STXBP3: variants seen among roughly 807,000 people sequenced by gnomAD.
STXBP3 encodes the protein syntaxin-binding protein 3.
STXBP3 carries 41 observed loss-of-function variants against 85.7 expected under a neutral mutation model. The observed-to-expected ratio is 0.48, with a 90% CI of 0.37 to 0.62. The LOEUF (loss-of-function observed/expected upper bound fraction) is 0.62. Among genes scored for constraint, STXBP3 ranks in the 20% least tolerant of loss-of-function variants. The pLI, the probability that STXBP3 is intolerant of heterozygous loss-of-function variation, is 0.00. For synonymous variants in STXBP3, 229 were observed against 231.7 expected (o/e 0.99, Z 0.10); for missense variants, 563 against 703.1 (o/e 0.80, Z 2.25).
At chr1:108,759,466 A>T (rs1281747607) in intron 5 of STXBP3, among the ~76,000 whole-genome samples, 1 of 152,166 alleles carries the variant, frequency 6.6e-6, no homozygotes, top group Non-Finnish European at 1.5e-5. Context: ...ATCTAGTGGA[A>T]TGATAAACTC....
rs1662672682 is a variant in STXBP3 at position 108,779,634 on chromosome 1, C to T, written c.809+224C>T. 3 of 354,770 alleles carry T rather than the reference C, an allele frequency of 8.5e-6. No homozygotes were observed. The South Asian group carries it at 2.9e-4, about 34-fold the overall frequency. The allele number at this position is 354,770 out of a possible 1,614,324, so 22.0% of individuals were successfully genotyped here. ...CTTTGGAGCATTTTTGGTGTGTTTGCTTCCTTAACTGTGTGTACAGTAGAG... is the reference window on the plus strand; with the variant it reads ...CTTTGGAGCATTTTTGGTGTGTTTGTTTCCTTAACTGTGTGTACAGTAGAG... On this transcript the variant is annotated intron_variant, in intron 9 of 18. Transcript: ENST00000370008.
intron 17 of STXBP3, among the ~76,000 whole-genome samples, chr1:108,807,174 CTG>C (rs780818592): frequency 3.3e-5 from 5 of 150,074 alleles, no homozygotes; most frequent in Non-Finnish European, 7.4e-5. Context: ...ATTGCTTGAA[CTG>C]TGACCCAGGA....
chr1:108,765,591 T>TTTTTA (rs796642937), intron 6 of STXBP3, among the ~76,000 whole-genome samples: 13 of 122,688 alleles, frequency 1.1e-4, no homozygotes, highest in South Asian at 4.9e-4. Context: ...TTTTTTTTTT[T>TTTTTA]TGAGACGGAG....
intron 17 of STXBP3, among the ~76,000 whole-genome samples, chr1:108,803,890 A>C (rs1663278576): frequency 6.6e-6 from 1 of 152,200 alleles, no homozygotes; most frequent in Non-Finnish European, 1.5e-5. Context: ...ACACTTGTAG[A>C]AAATATTCTG....
At chr1:108,763,000 T>A (rs920483581) in intron 6 of STXBP3, among the ~76,000 whole-genome samples, 6 of 152,200 alleles carry the variant, frequency 3.9e-5, no homozygotes, top group Non-Finnish European at 8.8e-5. Flanking sequence ...AGCAACAGCA[T>A]CCTGGGACAG....
chr1:108,766,998 T>C, intron 6 of STXBP3: 1 of 492,474 alleles, frequency 2.0e-6, no homozygotes, highest in Non-Finnish European at 4.1e-6. Context: ...GAGACCCCCT[T>C]GTGTGTCACT....
At chr1:108,798,987 A>G (rs986612743) in intron 16 of STXBP3, among the ~76,000 whole-genome samples, 4 of 152,198 alleles carry the variant, frequency 2.6e-5, no homozygotes, top group African/African-American at 9.6e-5. Flanking sequence ...TGCCTTTAAT[A>G]CTGTTTACAC....
At chr1:108,779,508 T>G in intron 9 of STXBP3, 98 bp downstream of exon 9, 2 of 1,280,280 alleles carry the variant, frequency 1.6e-6, no homozygotes, top group Non-Finnish European at 2.1e-6. Context: ...TGAAAGCCCC[T>G]ATAACCTTTT....
intron 17 of STXBP3, among the ~76,000 whole-genome samples, chr1:108,807,189 C>T (rs1050609405): frequency 1.4e-5 from 2 of 144,836 alleles, no homozygotes; most frequent in Admixed American, 7.3e-5. Context: ...ACCCAGGAGG[C>T]GGAGGTTGCA....
At chr1:108,773,304 A>G (rs1662508366) in intron 7 of STXBP3, among the ~76,000 whole-genome samples, 1 of 152,188 alleles carries the variant, frequency 6.6e-6, no homozygotes. Context: ...AATGAAGTTT[A>G]CTATAAAGTG....
chr1:108,774,237 G>A (rs181111585), intron 7 of STXBP3, among the ~76,000 whole-genome samples: 1 of 152,162 alleles, frequency 6.6e-6, no homozygotes, highest in African/African-American at 2.4e-5. Context: ...TCTCGCCTCA[G>A]TTTCCTTATC....
chr1:108,800,401 A>G, intron 17 of STXBP3, 96 bp downstream of exon 17: 1 of 855,010 alleles, frequency 1.2e-6, no homozygotes, highest in South Asian at 1.5e-5. Flanking sequence ...CTTTCTTTCA[A>G]GTATATAATC....
intron 6 of STXBP3, among the ~76,000 whole-genome samples, chr1:108,764,760 T>A (rs1388530847): frequency 6.6e-6 from 1 of 152,204 alleles, no homozygotes; most frequent in South Asian, 2.1e-4. Context: ...TTAAGTTCCT[T>A]ATAGATGCTG....
chr1:108,770,422 G>A (rs1662363920), intron 6 of STXBP3, among the ~76,000 whole-genome samples: 1 of 152,170 alleles, frequency 6.6e-6, no homozygotes, highest in African/African-American at 2.4e-5. Flanking sequence ...CTCCTGCTGT[G>A]GGATATTATA....
chr1:108,767,000 T>C (rs1267232148), intron 6 of STXBP3: 1 of 490,262 alleles, frequency 2.0e-6, no homozygotes, highest in African/African-American at 2.0e-5. Flanking sequence ...GACCCCCTTG[T>C]GTGTCACTTT....
At chr1:108,748,582 A>C (rs1661841679) in intron 1 of STXBP3, among the ~76,000 whole-genome samples, 1 of 152,106 alleles carries the variant, frequency 6.6e-6, no homozygotes, top group Admixed American at 6.5e-5. Flanking sequence ...CTGTAATTAC[A>C]GCACTTTGGG....
At chr1:108,787,741 T>C (rs1458531522) in intron 11 of STXBP3, among the ~76,000 whole-genome samples, 1 of 150,912 alleles carries the variant, frequency 6.6e-6, no homozygotes, top group Non-Finnish European at 1.5e-5. Context: ...TTCCTTTCTA[T>C]TCTTAGTTTA....
At chr1:108,752,451 G>A in intron 2 of STXBP3, 145 bp downstream of exon 2, 1 of 731,168 alleles carries the variant, frequency 1.4e-6, no homozygotes. Context: ...GAGGATGTGT[G>A]TAGGTTACAT....
intron 11 of STXBP3, among the ~76,000 whole-genome samples, chr1:108,789,556 A>C (rs1343571875): frequency 6.6e-6 from 1 of 152,178 alleles, no homozygotes; most frequent in Non-Finnish European, 1.5e-5. Context: ...GCATCCCAGG[A>C]GTTTTGGAAT....
Sources: gnomAD v4.1 joint callset for allele counts (sites outside exome capture counted in the v4.1 genomes callset) on GRCh38, gnomAD v4.1.1 for gene constraint, MANE v1.5 for transcripts, NCBI Gene and HGNC (gene_info 2026-07-23, HGNC 2026-07-21) for gene names.